The following PROM2 variants were observed in gnomAD, a reference collection of about 807,000 sequenced individuals.
PROM2 encodes the protein prominin 2, also known as prominin-2.
Under a neutral mutation model 110.2 loss-of-function variants are expected in PROM2, and 90 were observed. The ratio of observed to expected loss-of-function variants is 0.82; its 90% confidence interval spans 0.69 to 0.97. The LOEUF (loss-of-function observed/expected upper bound fraction) is 0.97. Among genes scored for constraint, PROM2 ranks in the 50% least tolerant of loss-of-function variants. The pLI is 0.00. For missense variants in PROM2, 1,009 were observed against 1,074.8 expected (o/e 0.94, Z 0.86); for synonymous variants, 470 against 467.8 (o/e 1.00, Z -0.06).
In PROM2 at chr2:95,291,063, G is replaced by C. The variant is rs1471711766; in HGVS notation, c.*1850G>C. 1 of 152,274 alleles carries C rather than the reference G, an allele frequency of 6.6e-6. No homozygotes were observed. Among genetic ancestry groups the C allele is most frequent in the East Asian group, 1.9e-4 (1 of 5,194 alleles). The allele number at this position is 152,274 out of a possible 1,614,324, so 9.4% of individuals were successfully genotyped here. A position where few individuals can be genotyped will look rare whatever the true frequency, so the allele number is the denominator to read the frequency against. ...GGGTTTTGCCATGTTGCCCAGGCTG[G>C]AAGTGTCTATGTTTAACTGCATCTT... On this transcript the variant is annotated 3_prime_UTR_variant, in exon 24 of 24. Transcript: ENST00000317620.
In PROM2 at chr2:95,290,566, G is replaced by A. The variant is rs1677634929; in HGVS notation, c.*1353G>A. 1 of 152,208 alleles carries A rather than the reference G, an allele frequency of 6.6e-6. No homozygotes were observed. Among genetic ancestry groups the A allele is most frequent in the South Asian group, 2.1e-4 (1 of 4,832 alleles). 9.4% of individuals were successfully genotyped at this position (152,208 alleles called of 1,614,324 possible). A position where few individuals can be genotyped will look rare whatever the true frequency, so the allele number is the denominator to read the frequency against. ...CGCTCAGCTTCTCCATTTATGAGAT[G>A]GGGAGAATAGTCACAGCCTCCTCAA... On this transcript the variant is annotated 3_prime_UTR_variant, in exon 24 of 24. Transcript: ENST00000317620.
chr2:95,277,906 A>T (rs758323849), intron 7 of PROM2, 24 bp from the exon 8 acceptor site: 1 of 1,607,366 alleles, frequency 6.2e-7, no homozygotes. Flanking sequence ...GAACTTTGTC[A>T]TAACCCACCT....
rs73625088 is a variant in PROM2 at position 95,282,117 on chromosome 2, G to A, written c.1644-25G>A. 8.3e-3 allele frequency: 13,359 copies of A among 1,609,840 alleles called. 90 individuals are homozygous for A. The highest frequency in any genetic ancestry group is 0.028 in the Middle Eastern group (172 of 6,048). ...CCCCCCGCCACCCCCAAGGCTCATC[G>A]TCTGCACCCCTCACTCCTCCTCAGG... On this transcript the variant is annotated intron_variant, in intron 13 of 23. Transcript: ENST00000317620.
chr2:95,285,077 G>A lies in PROM2; in HGVS notation c.1837G>A (p.Gly613Arg), dbSNP rs1260782428. The A allele has an allele frequency of 1.3e-6, 2 of 1,589,532 alleles. No homozygotes were observed. Among genetic ancestry groups the A allele is most frequent in the South Asian group, 2.3e-5 (2 of 87,514 alleles). The change falls in exon 15 of 24, where the codon GGG becomes AGG. Residue 613 changes from glycine (G) to arginine (R), a missense_variant. Physicochemically the swap from Gly to Arg is moderately radical, Grantham distance 125. Transcript: ENST00000317620. ...RRDLEALQSS[G>R]LQRIHYPDFL... is the part of the protein sequence containing the mutation. ...GGACCTGGAGGCCCTGCAGAGCAGT[G>A]GGCTTCAGCGCATCCACTACCCCGA...
In PROM2 at chr2:95,282,070, G is replaced by A. The variant is rs1229099647; in HGVS notation, c.1643+54G>A. ...ACCGGGGAAGGAAGGAGGAGGGCCG[G>A]TGTCCCTCAGGGGACATCAGCCCCC... is the stretch of plus-strand genomic sequence containing the variant. On this transcript the variant is annotated intron_variant, in intron 13 of 23. Coordinates refer to ENST00000317620, the MANE Select transcript of PROM2 (RefSeq NM_001165978.3). 3.8e-6 allele frequency: 6 copies of A among 1,597,106 alleles called. No individual in the cohort carries two copies. In the East Asian group the frequency reaches 6.7e-5, roughly 18 times the overall value.
chr2:95,280,449 C>T (rs1676982103), intron 11 of PROM2, among the ~76,000 whole-genome samples: 1 of 152,234 alleles, frequency 6.6e-6, no homozygotes. Context: ...GGGGCTGTGC[C>T]TGCCTCATAA....
At chr2:95,284,196 A>G (rs367971728) in intron 14 of PROM2, among the ~76,000 whole-genome samples, 3 of 152,316 alleles carry the variant, frequency 2.0e-5, no homozygotes, top group South Asian at 2.1e-4. Context: ...TTGTGTTGCT[A>G]TAAAGGAATA....
Position 95,276,968 on chromosome 2 carries a change from G to A in PROM2, c.683-4G>A. 6.4e-7 allele frequency: 1 copy of A among 1,551,782 alleles called. No homozygotes were observed. The highest frequency in any genetic ancestry group is 2.4e-5 in the East Asian group (1 of 41,000). On this transcript the variant is annotated splice_region_variant and splice_polypyrimidine_tract_variant and intron_variant, in intron 5 of 23. Transcript: ENST00000317620. This position sits in a 1 kb window ranked among gnomAD's most constrained non-coding sequence, Gnocchi z 4.6. ...CACCCTGCAGACTGCCCTGTGCTCT[G>A]CAGGTGTTGGTGTGAGCATTGGGAG... is the stretch of plus-strand genomic sequence containing the variant.
At chr2:95,278,609 G>T in intron 8 of PROM2, 112 bp from the exon 9 acceptor site, 1 of 1,233,304 alleles carries the variant, frequency 8.1e-7, no homozygotes, top group Non-Finnish European at 1.2e-6. Flanking sequence ...AGAAAAGAGG[G>T]AAACTGGGAG....
chr2:95,275,982 ACCTGCTGCTGGTG>A lies in PROM2; in HGVS notation c.350_362del (p.Leu117ProfsTer20), dbSNP rs1676627677. On this transcript the variant is annotated frameshift_variant, in exon 3 of 24. Coordinates refer to ENST00000317620, the MANE Select transcript of PROM2 (RefSeq NM_001165978.3). LOFTEE classifies it high-confidence loss of function. The surrounding 1 kb of genome is among the most constrained non-coding windows in gnomAD (Gnocchi z 4.4). ...GTATGCGCTGTGATCGCGGGCCTCT[ACCTGCTGCTGGTG>A]CCCACTGCCGGGCTTTGCTTCTGCT... 1 of 1,612,092 alleles carries A rather than the reference ACCTGCTGCTGGTG, an allele frequency of 6.2e-7. No individual in the cohort carries two copies. The highest frequency in any genetic ancestry group is 8.5e-7 in the Non-Finnish European group (1 of 1,179,820).
In PROM2 at chr2:95,279,829, G is replaced by A. The variant is rs1403947730; in HGVS notation, c.1275-16G>A. On this transcript the variant is annotated splice_polypyrimidine_tract_variant and intron_variant, in intron 10 of 23. Coordinates refer to ENST00000317620, the MANE Select transcript of PROM2 (RefSeq NM_001165978.3). Reference sequence around the variant, plus strand: ...CACCTCCTTTCTTAGTGACACCCATGTCCTCTCTGTGGCAGGTGGATCGTG... The same window carrying A: ...CACCTCCTTTCTTAGTGACACCCATATCCTCTCTGTGGCAGGTGGATCGTG... 2 of 1,434,952 alleles carry A rather than the reference G, an allele frequency of 1.4e-6. No individual in the cohort carries two copies. Among genetic ancestry groups the A allele is most frequent in the Middle Eastern group, 1.9e-4 (1 of 5,354 alleles). 88.9% of individuals were successfully genotyped at this position (1,434,952 alleles called of 1,614,324 possible).
chr2:95,288,953 C>T lies in PROM2; in HGVS notation c.2462C>T (p.Thr821Ile). 6.2e-7 allele frequency: 1 copy of T among 1,614,108 alleles called. No individual in the cohort carries two copies. The highest frequency in any genetic ancestry group is 8.5e-7 in the Non-Finnish European group (1 of 1,179,980). Reference sequence around the variant, plus strand: ...TGCAGCTCCACCAGCTCTGAGGAGACTCAGCTCTTCCACATCCCCCGGGTT... The same window carrying T: ...TGCAGCTCCACCAGCTCTGAGGAGATTCAGCTCTTCCACATCCCCCGGGTT... ...KRLSSTSSEE[T>I]QLFHIPRVTS... The change falls in exon 23 of 24, where the codon ACT becomes ATT. Residue 821 changes from threonine (T) to isoleucine (I), a missense_variant. Transcript: ENST00000317620.
intron 22 of PROM2, 34 bp downstream of exon 22, chr2:95,288,623 G>A: frequency 6.4e-7 from 1 of 1,569,028 alleles, no homozygotes; most frequent in Non-Finnish European, 8.7e-7. Flanking sequence ...GCAGCATCAG[G>A]GGCCAGGGAG....
chr2:95,279,899 C>G lies in PROM2; in HGVS notation c.1329C>G (p.Asn443Lys). The change falls in exon 11 of 24, where the codon AAC (asparagine) becomes AAG (lysine). Residue 443 changes from asparagine (N) to lysine (K), a missense_variant. Physicochemically the swap from Asn to Lys is moderately conservative, Grantham distance 94. Transcript: ENST00000317620. ...CSVVLFVVLC[N>K]LLGLNLGIWG... ...TGGTCCTATTCGTGGTGCTCTGCAA[C>G]CTGCTGGGCCTCAATCTGGGCATCT... is the stretch of plus-strand genomic sequence containing the variant. The G allele has an allele frequency of 6.4e-7, 1 of 1,559,114 alleles. No homozygotes were observed. Among genetic ancestry groups the G allele is most frequent in the Non-Finnish European group, 8.7e-7 (1 of 1,150,540 alleles).
rs115424881 is a variant in PROM2 at position 95,280,244 on chromosome 2, C to T, written c.1427+247C>T. Among the ~76,000 whole-genome samples the T allele has an allele frequency of 6.4e-3, 968 of 152,256 alleles. 10 individuals carry two copies. The highest frequency in any genetic ancestry group is 0.022 in the African/African-American group (930 of 41,564). ...TAGAGTCCCTACCCCAGCTTCCAGG[C>T]GGCCCCCACCACCAATAGGCAGCAG... On this transcript the variant is annotated intron_variant, in intron 11 of 23. Transcript: ENST00000317620.
chr2:95,282,612 T>G (rs907050317), intron 14 of PROM2, among the ~76,000 whole-genome samples: 1 of 152,022 alleles, frequency 6.6e-6, no homozygotes, highest in African/African-American at 2.4e-5. Flanking sequence ...CTGGCTAACG[T>G]TGGTGGAGGG....
chr2:95,277,561 A>G lies in PROM2; in HGVS notation c.970A>G (p.Ser324Gly). The G allele has an allele frequency of 6.4e-7, 1 of 1,571,922 alleles. No individual in the cohort carries two copies. The highest frequency in any genetic ancestry group is 8.6e-7 in the Non-Finnish European group (1 of 1,160,250). Residue 324 changes from serine (S) to glycine (G), a missense_variant, in exon 7 of 24, where the codon AGC becomes GGC. By Grantham distance (56) the Ser-to-Gly change is moderately conservative. Coordinates refer to ENST00000317620, the MANE Select transcript of PROM2 (RefSeq NM_001165978.3). ...CACCCTGGAGCTGGGTGCTGACTTC[A>G]GCCAGGTGCAGACCCAGGACAGAGT... The part of the protein sequence containing the change: ...ARTLELGADF[S>G]QVPSVDHVLH...
chr2:95,287,271 T>C (rs1052138555), intron 19 of PROM2, 58 bp downstream of exon 19: 1 of 1,593,994 alleles, frequency 6.3e-7, no homozygotes, highest in African/African-American at 1.3e-5. Context: ...CAGTCCCAGC[T>C]TCTCACTGTG....
At chr2:95,285,823 T>A (rs781406234) in intron 16 of PROM2, 113 bp downstream of exon 16, 4 of 950,036 alleles carry the variant, frequency 4.2e-6, no homozygotes, top group Non-Finnish European at 6.4e-6. Flanking sequence ...CCCCCACCAG[T>A]GAGGCCTGAG....
Sources: allele counts gnomAD v4.1 joint callset (sites outside exome capture counted in the v4.1 genomes callset), GRCh38; gene constraint gnomAD v4.1.1; non-coding constraint Gnocchi (gnomAD v3.1); transcripts MANE v1.5; gene names NCBI Gene and HGNC (gene_info 2026-07-23, HGNC 2026-07-21).